HNRNPC: variants seen among roughly 807,000 people sequenced by gnomAD.
HNRNPC encodes the protein heterogeneous nuclear ribonucleoprotein C, also known as heterogeneous nuclear ribonucleoproteins C1/C2.
In HNRNPC, 3 loss-of-function variants were observed where a neutral mutation model predicts 33.2. The observed-to-expected ratio is 0.09, with a 90% CI of 0.04 to 0.23. HNRNPC has a LOEUF of 0.23. Among genes scored for constraint, HNRNPC ranks in the 10% least tolerant of loss-of-function variants. The pLI is 1.00. For synonymous variants in HNRNPC, 121 were observed against 126.7 expected (o/e 0.96, Z 0.30); for missense variants, 143 against 366.7 (o/e 0.39, Z 4.98).
At chr14:21,256,011 A>C (rs1429639023) in intron 2 of HNRNPC, among the ~76,000 whole-genome samples, 1 of 152,228 alleles carries the variant, frequency 6.6e-6, no homozygotes, top group Non-Finnish European at 1.5e-5. Context: ...ACAGTTAAGA[A>C]GGCCAGTGTG....
chr14:21,230,696 T>G (rs1894016616), intron 4 of HNRNPC: 5 of 477,354 alleles, frequency 1.0e-5, no homozygotes, highest in Admixed American at 7.5e-5. Flanking sequence ...TCTTAGAAGC[T>G]CAACGATCCT....
chr14:21,227,771 G>C (rs1181437462), intron 5 of HNRNPC, among the ~76,000 whole-genome samples: 3 of 152,094 alleles, frequency 2.0e-5, no homozygotes, highest in Non-Finnish European at 2.9e-5. Context: ...ACTTTTTAAT[G>C]AGAACTATTT....
At chr14:21,238,979 C>G (rs1434120831) in intron 2 of HNRNPC, among the ~76,000 whole-genome samples, 1 of 151,966 alleles carries the variant, frequency 6.6e-6, no homozygotes, top group African/African-American at 2.4e-5. Context: ...ATACAAAAAT[C>G]AGCCATGCGT....
chr14:21,252,666 T>C (rs1055440458), intron 2 of HNRNPC, among the ~76,000 whole-genome samples: 6 of 152,228 alleles, frequency 3.9e-5, no homozygotes, highest in Non-Finnish European at 5.9e-5. Context: ...TTTGGTGGGA[T>C]AATTGTGGTT....
At chr14:21,255,669 T>C (rs976642421) in intron 2 of HNRNPC, among the ~76,000 whole-genome samples, 3 of 152,250 alleles carry the variant, frequency 2.0e-5, no homozygotes, top group African/African-American at 7.2e-5. Flanking sequence ...CATTGATCAT[T>C]ATAATAGTCT....
At chr14:21,221,835 CAGG>C (rs1036094700) in intron 5 of HNRNPC, among the ~76,000 whole-genome samples, 4 of 151,940 alleles carry the variant, frequency 2.6e-5, no homozygotes, top group Non-Finnish European at 5.9e-5. Context: ...ATCACGAGGT[CAGG>C]AGATCAAGAC....
chr14:21,237,095 G>A (rs1894777490), intron 2 of HNRNPC, among the ~76,000 whole-genome samples: 1 of 152,190 alleles, frequency 6.6e-6, no homozygotes, highest in Non-Finnish European at 1.5e-5. Context: ...TAGTGGGTGA[G>A]CACAAGGGAC....
chr14:21,241,349 C>A (rs1287263893), intron 2 of HNRNPC, among the ~76,000 whole-genome samples: 2 of 150,932 alleles, frequency 1.3e-5, no homozygotes, highest in Non-Finnish European at 2.9e-5. Context: ...ATTCTATATA[C>A]TAAATATGCT....
chr14:21,259,890 A>AG (rs1349934833), intron 2 of HNRNPC, among the ~76,000 whole-genome samples: 1 of 150,634 alleles, frequency 6.6e-6, no homozygotes, highest in Non-Finnish European at 1.5e-5. Context: ...ACCAAAAAAA[A>AG]AAAAAAACAA....
chr14:21,267,095 C>CAAAAAAAAAAAAAAAAA (rs56203257), intron 1 of HNRNPC, among the ~76,000 whole-genome samples: 2 of 104,050 alleles, frequency 1.9e-5, no homozygotes, highest in Admixed American at 1.0e-4. Context: ...GACTCCGTCT[C>CAAAAAAAAAAAAAAAAA]AAAAAAAAAA....
intron 2 of HNRNPC, among the ~76,000 whole-genome samples, chr14:21,252,975 A>G (rs1393170673): frequency 6.6e-6 from 1 of 151,978 alleles, no homozygotes; most frequent in African/African-American, 2.4e-5. Context: ...AGAGATCAAG[A>G]CCATCCTGGC....
chr14:21,228,822 C>T (rs1893767136), intron 5 of HNRNPC, among the ~76,000 whole-genome samples: 1 of 152,052 alleles, frequency 6.6e-6, no homozygotes, highest in African/African-American at 2.4e-5. Flanking sequence ...CAGTGGCTCA[C>T]ACCTGTAATC....
chr14:21,223,775 T>A (rs1893114742), intron 5 of HNRNPC, among the ~76,000 whole-genome samples: 1 of 152,140 alleles, frequency 6.6e-6, no homozygotes, highest in South Asian at 2.1e-4. Flanking sequence ...CAAAAAAGAC[T>A]AATAACTGAT....
chr14:21,218,708 A>AAAAAAC (rs1555351295), intron 5 of HNRNPC, among the ~76,000 whole-genome samples: 2 of 142,512 alleles, frequency 1.4e-5, no homozygotes, highest in Non-Finnish European at 3.1e-5. Context: ...AAAAAAAAAA[A>AAAAAAC]CTGAAATTGA....
At chr14:21,218,704 A>AC (rs1892497324) in intron 5 of HNRNPC, among the ~76,000 whole-genome samples, 2 of 136,794 alleles carry the variant, frequency 1.5e-5, no homozygotes, top group African/African-American at 2.8e-5. Context: ...AAAAAAAAAA[A>AC]AAAACTGAAA....
intron 2 of HNRNPC, among the ~76,000 whole-genome samples, chr14:21,245,931 C>T (rs1239985729): frequency 6.6e-6 from 1 of 152,090 alleles, no homozygotes; most frequent in Non-Finnish European, 1.5e-5. Flanking sequence ...CTACAACCTC[C>T]ACCTCCCAGG....
chr14:21,268,860 T>C (rs1879460341), intron 1 of HNRNPC, among the ~76,000 whole-genome samples: 1 of 152,124 alleles, frequency 6.6e-6, no homozygotes, highest in South Asian at 2.1e-4. Flanking sequence ...GATCCAGGAT[T>C]TAAAGGCTCG....
chr14:21,266,145 G>A (rs368021732), intron 1 of HNRNPC, among the ~76,000 whole-genome samples: 17 of 152,056 alleles, frequency 1.1e-4, no homozygotes, highest in Non-Finnish European at 2.1e-4. Context: ...TCACTCTGTC[G>A]CCCAGGCTGG....
chr14:21,230,786 C>T, intron 4 of HNRNPC: 1 of 542,876 alleles, frequency 1.8e-6, no homozygotes, highest in South Asian at 3.4e-5. Context: ...ATTTTTAATT[C>T]TCTAGAAATT....
Sources: gnomAD v4.1 joint callset for allele counts (sites outside exome capture counted in the v4.1 genomes callset) on GRCh38, gnomAD v4.1.1 for gene constraint, MANE v1.5 for transcripts, NCBI Gene and HGNC (gene_info 2026-07-23, HGNC 2026-07-21) for gene names.